The following EDIL3 variants were observed in gnomAD, a reference collection of about 807,000 sequenced individuals.
The protein encoded by EDIL3 is EGF-like repeat and discoidin I-like domain-containing protein 3.
Under a neutral mutation model 67.4 loss-of-function variants are expected in EDIL3, and 37 were observed. That is an observed-to-expected ratio of 0.55 (90% CI 0.42 to 0.72). The LOEUF (loss-of-function observed/expected upper bound fraction) is 0.72. EDIL3 is among the 30% of genes least tolerant of loss of function. The probability of loss-of-function intolerance (pLI) is 0.00; values close to 1 mark genes in which losing one functional copy is unlikely to be tolerated. For synonymous variants in EDIL3, 195 were observed against 196.3 expected (o/e 0.99, Z 0.05); for missense variants, 527 against 586.3 (o/e 0.90, Z 1.04).
intron 5 of EDIL3, among the ~76,000 whole-genome samples, chr5:84,113,510 T>G (rs2125336): frequency 0.72 from 109,446 of 151,446 alleles, 39,664 homozygotes; most frequent in Middle Eastern, 0.77. Context: ...TGCCTCCCCA[T>G]AGCAACTTTT....
chr5:84,204,504 T>C lies in EDIL3; in HGVS notation c.227-23983A>G, dbSNP rs187991240. On this transcript the variant is annotated intron_variant, in intron 3 of 10. Transcript: ENST00000296591. ...AACCTGTTCTTTATTTAAATAAAAATTTATTTCATTTTTTAAAAATTGTAT... is the reference window on the plus strand; with the variant it reads ...AACCTGTTCTTTATTTAAATAAAAACTTATTTCATTTTTTAAAAATTGTAT... 6.3e-3 allele frequency among the ~76,000 whole-genome samples: 963 copies of C among 152,252 alleles called. 4 individuals carry two copies. The highest frequency in any genetic ancestry group is 8.5e-3 in the Non-Finnish European group (575 of 68,018).
At chr5:84,147,441 T>C (rs997726888) in intron 4 of EDIL3, among the ~76,000 whole-genome samples, 23 of 152,178 alleles carry the variant, frequency 1.5e-4, no homozygotes, top group African/African-American at 2.4e-4. Context: ...GGAGGAGTCA[T>C]AATAATGCAT....
At chr5:83,960,217 T>G (rs538254005) in intron 10 of EDIL3, among the ~76,000 whole-genome samples, 116 of 151,118 alleles carry the variant, frequency 7.7e-4, no homozygotes, top group Non-Finnish European at 1.4e-3. Flanking sequence ...GTTTAGCCAA[T>G]TATCATACAT....
chr5:83,976,505 C>G (rs1214203932), intron 9 of EDIL3, among the ~76,000 whole-genome samples: 1 of 151,802 alleles, frequency 6.6e-6, no homozygotes, highest in Non-Finnish European at 1.5e-5. Context: ...TTTATTAAAT[C>G]AAGAACTTTC....
At chr5:84,153,998 T>C (rs1383431043) in intron 4 of EDIL3, among the ~76,000 whole-genome samples, 1 of 152,168 alleles carries the variant, frequency 6.6e-6, no homozygotes, top group Non-Finnish European at 1.5e-5. Context: ...CTGCTGGGCT[T>C]GGTTCCTTGC....
chr5:84,040,217 C>T (rs1015029494), intron 9 of EDIL3, among the ~76,000 whole-genome samples: 2 of 152,132 alleles, frequency 1.3e-5, no homozygotes, highest in African/African-American at 4.8e-5. Flanking sequence ...AATTCAAAAT[C>T]CTACAAATTG....
intron 1 of EDIL3, among the ~76,000 whole-genome samples, chr5:84,255,250 A>C (rs899106435): frequency 2.0e-5 from 3 of 152,198 alleles, no homozygotes; most frequent in African/African-American, 4.8e-5. Flanking sequence ...GACATGGCCC[A>C]ACATAAATAT....
At chr5:84,359,057 T>C (rs1747545143) in intron 1 of EDIL3, among the ~76,000 whole-genome samples, 1 of 152,168 alleles carries the variant, frequency 6.6e-6, no homozygotes, top group African/African-American at 2.4e-5. Flanking sequence ...TTGGTTTTAT[T>C]AAAAACCAAT....
chr5:84,179,709 C>A (rs959672350), intron 4 of EDIL3, among the ~76,000 whole-genome samples: 1 of 152,174 alleles, frequency 6.6e-6, no homozygotes, highest in Non-Finnish European at 1.5e-5. Flanking sequence ...CATGTGGCAA[C>A]CTCTGTGAGA....
Position 84,179,569 on chromosome 5 carries a change from G to A in EDIL3, c.355+824C>T, listed in dbSNP as rs1428056393. Among the ~76,000 whole-genome samples the A allele has an allele frequency of 5.9e-5, 9 of 152,252 alleles. No homozygotes were observed. In the South Asian group the frequency reaches 6.2e-4, roughly 11 times the overall value. Reference sequence around the variant, plus strand: ...CTGACAAATCCAGCTTTGCCTTATCGTTCTTAATACCATTGTCTTACCCAT... The same window carrying A: ...CTGACAAATCCAGCTTTGCCTTATCATTCTTAATACCATTGTCTTACCCAT... On this transcript the variant is annotated intron_variant, in intron 4 of 10. Transcript: ENST00000296591.
intron 9 of EDIL3, 26 bp from the exon 10 acceptor site, chr5:83,963,386 T>A: frequency 6.4e-7 from 1 of 1,567,552 alleles, no homozygotes; most frequent in Non-Finnish European, 8.6e-7. Context: ...AATACAGGCT[T>A]TAAATGCGAC....
At chr5:84,130,033 T>A (rs1445046454) in intron 5 of EDIL3, among the ~76,000 whole-genome samples, 1 of 152,172 alleles carries the variant, frequency 6.6e-6, no homozygotes, top group Admixed American at 6.6e-5. Context: ...TCTTGAGGAT[T>A]CTCAAAGGAT....
intron 2 of EDIL3, 47 bp from the exon 3 acceptor site, chr5:84,229,931 G>A (rs1190258266): frequency 2.9e-5 from 43 of 1,484,814 alleles, no homozygotes; most frequent in Non-Finnish European, 4.0e-5. Context: ...AGAAGTGAAG[G>A]GAGGGAGAAG....
intron 9 of EDIL3, among the ~76,000 whole-genome samples, chr5:83,968,511 T>C (rs1744735686): frequency 6.6e-6 from 1 of 152,080 alleles, no homozygotes; most frequent in Admixed American, 6.6e-5. Flanking sequence ...TGGTGTGTTA[T>C]GGTATTTTTT....
intron 9 of EDIL3, among the ~76,000 whole-genome samples, chr5:84,014,518 G>T (rs541819213): frequency 6.6e-6 from 1 of 152,014 alleles, no homozygotes; most frequent in Non-Finnish European, 1.5e-5. Flanking sequence ...GATGACACGC[G>T]CCTGTAGATC....
chr5:84,345,654 T>C (rs1408001045), intron 1 of EDIL3, among the ~76,000 whole-genome samples: 1 of 152,236 alleles, frequency 6.6e-6, no homozygotes, highest in Non-Finnish European at 1.5e-5. Flanking sequence ...GTATTGCTTA[T>C]GCTCCATTTT....
chr5:84,264,039 C>T (rs1319245793), intron 1 of EDIL3, among the ~76,000 whole-genome samples: 1 of 152,092 alleles, frequency 6.6e-6, no homozygotes, highest in Non-Finnish European at 1.5e-5. Flanking sequence ...GGTTTGAGAT[C>T]AGCCTTGCCA....
chr5:83,956,588 T>A (rs1385178381), intron 10 of EDIL3, among the ~76,000 whole-genome samples: 2 of 151,782 alleles, frequency 1.3e-5, no homozygotes, highest in African/African-American at 4.8e-5. Context: ...TCAATTATTC[T>A]GTACTTAGAT....
intron 5 of EDIL3, among the ~76,000 whole-genome samples, chr5:84,123,757 T>A (rs1747817727): frequency 6.6e-6 from 1 of 151,870 alleles, no homozygotes; most frequent in African/African-American, 2.4e-5. Flanking sequence ...TTGTAGACAA[T>A]TTACTTGTCT....
Sources: allele counts gnomAD v4.1 joint callset (sites outside exome capture counted in the v4.1 genomes callset), GRCh38; gene constraint gnomAD v4.1.1; transcripts MANE v1.5; gene names NCBI Gene and HGNC (gene_info 2026-07-23, HGNC 2026-07-21).